KIF19: variants seen among roughly 807,000 people sequenced by gnomAD.
The protein encoded by KIF19 is kinesin-like protein KIF19.
KIF19 carries 98 observed loss-of-function variants against 106.6 expected under a neutral mutation model. The ratio of observed to expected loss-of-function variants is 0.92; its 90% CI spans 0.78 to 1.09. The LOEUF (loss-of-function observed/expected upper bound fraction) is 1.09. KIF19 is among the 50% of genes least tolerant of loss of function. The pLI is 0.00. For synonymous variants in KIF19, 516 were observed against 584.2 expected (o/e 0.88, Z 1.68); for missense variants, 1,373 against 1,414.3 (o/e 0.97, Z 0.47).
In KIF19 at chr17:74,350,944, G is replaced by A. The variant is rs375105882; in HGVS notation, c.1587+39G>A. ...GGGGGGACAAGGAGAGTGGGTTTAG[G>A]GGACAGGGTGAGCAGGTTTGAGAGG... On this transcript the variant is annotated intron_variant, in intron 12 of 19. Coordinates refer to ENST00000389916, the MANE Select transcript of KIF19 (RefSeq NM_153209.4). 44 of 1,606,830 alleles carry A rather than the reference G, an allele frequency of 2.7e-5. No individual in the cohort carries two copies. In the East Asian group the frequency reaches 2.9e-4, roughly 11 times the overall value.
At chr17:74,345,034 T>C in intron 7 of KIF19, 79 bp downstream of exon 7, 2 of 1,343,554 alleles carry the variant, frequency 1.5e-6, no homozygotes, top group Non-Finnish European at 2.0e-6. Flanking sequence ...GTGACTCCCA[T>C]GCAAGGCCAG....
chr17:74,341,107 G>A (rs1344711312), intron 2 of KIF19, among the ~76,000 whole-genome samples: 1 of 152,146 alleles, frequency 6.6e-6, no homozygotes, highest in Non-Finnish European at 1.5e-5. Flanking sequence ...GGCCGAGGCT[G>A]GCGGGTCACT....
chr17:74,346,595 C>G lies in KIF19; in HGVS notation c.924+71C>G. On this transcript the variant is annotated intron_variant, in intron 8 of 19. Coordinates refer to ENST00000389916, the MANE Select transcript of KIF19 (RefSeq NM_153209.4). This position sits in a 1 kb window ranked among gnomAD's most constrained non-coding sequence, Gnocchi z 4.6. The stretch of plus-strand genomic sequence containing the variant: ...CTGCCAGATTAAACAAATGAAAATA[C>G]AGGGCACCCAGCTAAATTCCAACCT... 3 of 1,417,776 alleles carry G rather than the reference C, an allele frequency of 2.1e-6. No homozygotes were observed. In the South Asian group the frequency reaches 3.9e-5, roughly 18 times the overall value. The allele number at this position is 1,417,776 out of a possible 1,614,324, so 87.8% of individuals were successfully genotyped here.
chr17:74,344,326 T>G lies in KIF19; in HGVS notation c.560T>G (p.Val187Gly), dbSNP rs750370286. Residue 187 changes from valine (V) to glycine (G), a missense_variant, in exon 6 of 20, where the codon GTC becomes GGC. Physicochemically the swap from Val to Gly is moderately radical, Grantham distance 109. Transcript: ENST00000389916. ...GVIQVAGITE[V>G]STINAKEIMQ... ...ATCCAGGTGGCCGGCATCACCGAAG[T>G]CTCCACCATCAATGCCAAGGAGGCG... The G allele has an allele frequency of 3.7e-6, 6 of 1,612,456 alleles. No homozygotes were observed. The African/African-American group carries it at 8.0e-5, about 22-fold the overall frequency.
chr17:74,328,553 A>G, intron 2 of KIF19, 48 bp downstream of exon 2: 1 of 1,508,598 alleles, frequency 6.6e-7, no homozygotes. Flanking sequence ...GTCTGCTCAG[A>G]TGGCTCAGCT....
chr17:74,350,395 C>A lies in KIF19; in HGVS notation c.1214-6C>A. The A allele has an allele frequency of 6.3e-7, 1 of 1,585,030 alleles. No individual in the cohort carries two copies. Among genetic ancestry groups the A allele is most frequent in the East Asian group, 2.3e-5 (1 of 43,508 alleles). ...CTCTACCTTGCCCACCCTCACCCAT[C>A]GGCAGCTGAGGTCCAGCTGCACAGC... On this transcript the variant is annotated splice_region_variant and splice_polypyrimidine_tract_variant and intron_variant, in intron 10 of 19. Transcript: ENST00000389916.
chr17:74,330,196 C>G (rs1328734221), intron 2 of KIF19, among the ~76,000 whole-genome samples: 1 of 152,202 alleles, frequency 6.6e-6, no homozygotes, highest in African/African-American at 2.4e-5. Context: ...CCAGCTGGAG[C>G]AGAATGAATG....
In KIF19 at chr17:74,344,780, AG is replaced by A; in HGVS notation, c.606del (p.Asn203ThrfsTer24). ...ACCCAGATCATGCAGCTGCTGATGA[AG>A]GGGAACCGGCAGAGGACCCAGGAGC... ...NAKEIMQLLM[K>X]GNRQRTQEPT... On this transcript the variant is annotated frameshift_variant, in exon 7 of 20. Transcript: ENST00000389916. LOFTEE classifies it high-confidence loss of function. 1.2e-6 allele frequency: 2 copies of A among 1,608,350 alleles called. No homozygotes were observed. Among genetic ancestry groups the A allele is most frequent in the Non-Finnish European group, 1.7e-6 (2 of 1,176,282 alleles).
chr17:74,327,397 G>A (rs903737845), intron 1 of KIF19, among the ~76,000 whole-genome samples: 3 of 152,228 alleles, frequency 2.0e-5, no homozygotes, highest in South Asian at 2.1e-4. Context: ...CTCCCCTCCC[G>A]CCAGTGGAAT....
chr17:74,333,130 A>G (rs2054137086), intron 2 of KIF19, among the ~76,000 whole-genome samples: 1 of 152,146 alleles, frequency 6.6e-6, no homozygotes, highest in African/African-American at 2.4e-5. Flanking sequence ...GAGGTGGGAA[A>G]CTCCCTGCAC....
At position 74,346,497 on chromosome 17, in the gene KIF19, C is replaced by G; in HGVS notation, c.897C>G (p.Arg299=). The change falls in exon 8 of 20, where the codon CGC becomes CGG. Residue 299 remains arginine, a synonymous_variant. Coordinates refer to ENST00000389916, the MANE Select transcript of KIF19 (RefSeq NM_153209.4). This position sits in a 1 kb window ranked among gnomAD's most constrained non-coding sequence, Gnocchi z 4.6. Reference sequence around the variant, plus strand: ...GTAGCAACAAGTACATCAACTATCGCGACAGCAAGCTCACCCGGCTCCTGA... The same window carrying G: ...GTAGCAACAAGTACATCAACTATCGGGACAGCAAGCTCACCCGGCTCCTGA... The part of the protein sequence containing the change: ...DKGSNKYINY[R]DSKLTRLLKD... The G allele has an allele frequency of 6.4e-7, 1 of 1,551,340 alleles. No individual in the cohort carries two copies. Among genetic ancestry groups the G allele is most frequent in the Non-Finnish European group, 8.7e-7 (1 of 1,147,086 alleles).
Position 74,331,041 on chromosome 17 carries a change from C to T in KIF19, c.120+2536C>T, listed in dbSNP as rs2054063813. Among the ~76,000 whole-genome samples the T allele has an allele frequency of 6.6e-6, 1 of 152,172 alleles. No homozygotes were observed. The highest frequency in any genetic ancestry group is 2.4e-5 in the African/African-American group (1 of 41,434). ...ACCCTTCTAGTAACAAACACTGTCCCTCTGACAAATAAATGCCTGGCAAGT... is the reference window on the plus strand; with the variant it reads ...ACCCTTCTAGTAACAAACACTGTCCTTCTGACAAATAAATGCCTGGCAAGT... On this transcript the variant is annotated intron_variant, in intron 2 of 19. Coordinates refer to ENST00000389916, the MANE Select transcript of KIF19 (RefSeq NM_153209.4). The surrounding 1 kb of genome is among the most constrained non-coding windows in gnomAD (Gnocchi z 4.1).
In KIF19 at chr17:74,354,542, G is replaced by A. The variant is rs555037849; in HGVS notation, c.2689G>A (p.Glu897Lys). 14 of 1,597,178 alleles carry A rather than the reference G, an allele frequency of 8.8e-6. No individual in the cohort carries two copies. The highest frequency in any genetic ancestry group is 6.7e-5 in the African/African-American group (5 of 74,830). The change falls in exon 18 of 20, where the codon GAG (glutamate) becomes AAG (lysine). Residue 897 changes from glutamate (E) to lysine (K), a missense_variant. Glu to Lys is a moderately conservative substitution (Grantham distance 56). This residue lies in a region of KIF19 where 1,020 missense variants were observed against 1,008.2 expected (regional missense o/e 1.01). Coordinates refer to ENST00000389916, the MANE Select transcript of KIF19 (RefSeq NM_153209.4). Reference protein sequence around the residue: ...KRRKRRSRSFEVTGQGLSHPK... With the variant: ...KRRKRRSRSFKVTGQGLSHPK... Reference sequence around the variant, plus strand: ...AAGGAAGCGGAGGTCCCGATCCTTCGAGGTCACCGGGCAAGGGGTGAGGCG... The same window carrying A: ...AAGGAAGCGGAGGTCCCGATCCTTCAAGGTCACCGGGCAAGGGGTGAGGCG...
In KIF19 at chr17:74,351,948, G is replaced by A. The variant is rs1159204188; in HGVS notation, c.1669G>A (p.Glu557Lys). 10 of 1,493,834 alleles carry A rather than the reference G, an allele frequency of 6.7e-6. No homozygotes were observed. The highest frequency in any genetic ancestry group is 1.3e-5 in the South Asian group (1 of 79,752). 92.5% of individuals were successfully genotyped at this position (1,493,834 alleles called of 1,614,324 possible). Residue 557 changes from glutamate (E) to lysine (K), a missense_variant, in exon 13 of 20, where the codon GAG becomes AAG. Transcript: ENST00000389916. ...GACGCTGCCGCGGCGCATCGGCTCC[G>A]AGGAGCAGCGCGAGGTGCTCAGCCT... ...EETLPRRIGSEEQREVLSLLC... is the reference protein window; with the variant it reads ...EETLPRRIGSKEQREVLSLLC...
At chr17:74,345,532 G>A (rs2054510191) in intron 7 of KIF19, among the ~76,000 whole-genome samples, 1 of 152,092 alleles carries the variant, frequency 6.6e-6, no homozygotes, top group Admixed American at 6.6e-5. Flanking sequence ...ATGAAGTCCT[G>A]CTTGCCGAGC....
intron 12 of KIF19, 183 bp downstream of exon 12, chr17:74,351,088 TG>T (rs1192520602): frequency 1.4e-5 from 9 of 642,394 alleles, no homozygotes; most frequent in Non-Finnish European, 2.8e-6. Flanking sequence ...ACCTGTAAAA[TG>T]GGAGCAGTCC....
rs1438662444 is a variant in KIF19, at chr17:74,342,689, T to A, written c.291T>A (p.Asn97Lys). ...SLIEGVISGY[N>K]ATVFAYGPTG... ...TCGAGGGCGTCATCTCAGGCTACAA[T>A]GCCACTGTCTTTGCCTATGGCCCCA... Residue 97 changes from asparagine (N) to lysine (K), a missense_variant, in exon 4 of 20, where the codon AAT (asparagine) becomes AAA (lysine). Around this residue, in one of 3 missense-constraint regions of KIF19, gnomAD observed 348 missense variants for 389.5 expected, o/e 0.89. Transcript: ENST00000389916. The A allele has an allele frequency of 1.2e-6, 2 of 1,613,630 alleles. No individual in the cohort carries two copies. Among genetic ancestry groups the A allele is most frequent in the Admixed American group, 1.7e-5 (1 of 60,004 alleles).
rs2053904773 is a variant in KIF19, at chr17:74,326,330, C to T, written c.-20C>T. Reference sequence around the variant, plus strand: ...GCCATGCCCGGTGGCGCGGCCTGAGCCCCTCCACCTGCTGCAATCATGAAG... The same window carrying T: ...GCCATGCCCGGTGGCGCGGCCTGAGTCCCTCCACCTGCTGCAATCATGAAG... On this transcript the variant is annotated 5_prime_UTR_variant, in exon 1 of 20. Transcript: ENST00000389916. The T allele has an allele frequency of 1.2e-6, 2 of 1,608,310 alleles. No homozygotes were observed. Among genetic ancestry groups the T allele is most frequent in the South Asian group, 2.2e-5 (2 of 90,570 alleles).
At chr17:74,328,808 A>G (rs1041387075) in intron 2 of KIF19, 2 of 279,170 alleles carry the variant, frequency 7.2e-6, no homozygotes, top group East Asian at 8.9e-5. Flanking sequence ...CCCACAGAGC[A>G]CATATATATA....
Sources: allele counts gnomAD v4.1 joint callset (sites outside exome capture counted in the v4.1 genomes callset), GRCh38; gene constraint gnomAD v4.1.1; regional missense constraint gnomAD v4.1.1; non-coding constraint Gnocchi (gnomAD v3.1); transcripts MANE v1.5; gene names NCBI Gene and HGNC (gene_info 2026-07-23, HGNC 2026-07-21).